ARHGAP17: variants seen among roughly 807,000 people sequenced by gnomAD.
ARHGAP17 encodes the protein rho GTPase-activating protein 17.
Under a neutral mutation model 99.5 loss-of-function variants are expected in ARHGAP17, and 57 were observed. The observed-to-expected ratio is 0.57, with a 90% CI of 0.46 to 0.71. The LOEUF (loss-of-function observed/expected upper bound fraction) is 0.71, where lower values mean the gene tolerates loss of function less well. Among genes scored for constraint, ARHGAP17 ranks in the 30% least tolerant of loss-of-function variants. The pLI, the probability that ARHGAP17 is intolerant of heterozygous loss-of-function variation, is 0.00. For missense variants in ARHGAP17, 1,000 were observed against 1,122.4 expected (o/e 0.89, Z 1.56); for synonymous variants, 417 against 429.6 (o/e 0.97, Z 0.36).
At chr16:25,005,743 C>T (rs2053487320) in intron 1 of ARHGAP17, among the ~76,000 whole-genome samples, 1 of 152,154 alleles carries the variant, frequency 6.6e-6, no homozygotes, top group Admixed American at 6.5e-5. Flanking sequence ...AATGTAAGAA[C>T]ACATTCATTT....
chr16:25,015,015 A>G (rs946660666), intron 1 of ARHGAP17, among the ~76,000 whole-genome samples, 194 bp downstream of exon 1: 2 of 150,898 alleles, frequency 1.3e-5, no homozygotes, highest in Non-Finnish European at 1.5e-5. Flanking sequence ...GCGCTGAGAG[A>G]CAGGCGGGCC....
rs1435447888 is a variant in ARHGAP17, at chr16:24,935,476, G to A, written c.1888C>T (p.Arg630Cys). The A allele has an allele frequency of 1.3e-5, 20 of 1,596,620 alleles. No individual in the cohort carries two copies. The highest frequency in any genetic ancestry group is 1.7e-4 in the Middle Eastern group (1 of 5,992). ...NAAGPSPHTL[R>C]RAVKKPAPAP... ...GAGGACGGTGGCTGCTTACCTCGGC[G>A]CAGTGTATGCGGGCTGGGCCCTGCA... Residue 630 changes from arginine to cysteine, a missense_variant, in exon 18 of 20, where the codon CGC becomes TGC. Arg to Cys is a radical substitution (Grantham distance 180). Coordinates refer to ENST00000289968, the MANE Select transcript of ARHGAP17 (RefSeq NM_001006634.3).
At chr16:24,999,839 A>C (rs2053309818) in intron 1 of ARHGAP17, among the ~76,000 whole-genome samples, 1 of 152,202 alleles carries the variant, frequency 6.6e-6, no homozygotes, top group Non-Finnish European at 1.5e-5. Flanking sequence ...GAAAGCTTTA[A>C]CCCATTTGGA....
chr16:24,960,063 A>G, intron 7 of ARHGAP17, 84 bp from the exon 8 acceptor site: 1 of 1,303,808 alleles, frequency 7.7e-7, no homozygotes, highest in Non-Finnish European at 1.1e-6. Flanking sequence ...GTGAGCTCTT[A>G]GATGAAAAAG....
intron 9 of ARHGAP17, 74 bp from the exon 10 acceptor site, chr16:24,954,804 C>G (rs2051757966): frequency 6.3e-7 from 1 of 1,577,452 alleles, no homozygotes; most frequent in Non-Finnish European, 8.6e-7. Flanking sequence ...CCCCAACTAC[C>G]CAATGGGCTT....
intron 19 of ARHGAP17, 48 bp downstream of exon 19, chr16:24,930,736 A>C: frequency 6.2e-7 from 1 of 1,614,194 alleles, no homozygotes; most frequent in South Asian, 1.1e-5. Flanking sequence ...GTAGTACAAA[A>C]GCAATGTAGA....
intron 19 of ARHGAP17, among the ~76,000 whole-genome samples, chr16:24,921,928 G>T (rs1198967370): frequency 6.6e-6 from 1 of 152,220 alleles, no homozygotes; most frequent in African/African-American, 2.4e-5. Flanking sequence ...AGTCAACGAA[G>T]GCAGGGACTG....
At chr16:24,990,984 G>A (rs554976167) in intron 1 of ARHGAP17, among the ~76,000 whole-genome samples, 2 of 152,264 alleles carry the variant, frequency 1.3e-5, no homozygotes, top group African/African-American at 2.4e-5. Context: ...AGGAGCTGAT[G>A]TGCATGATTC....
chr16:24,974,638 A>G (rs1203160349), intron 3 of ARHGAP17, among the ~76,000 whole-genome samples: 3 of 152,056 alleles, frequency 2.0e-5, no homozygotes, highest in Admixed American at 6.6e-5. Context: ...GTTTCAGGAA[A>G]TTGACTCTGG....
chr16:24,972,790 A>C (rs1432729706), intron 3 of ARHGAP17, among the ~76,000 whole-genome samples: 1 of 152,050 alleles, frequency 6.6e-6, no homozygotes, highest in Non-Finnish European at 1.5e-5. Flanking sequence ...CCTGACCCCA[A>C]AGCCACAACA....
rs796572565 is a variant in ARHGAP17, at chr16:25,006,286, A to T, written c.53+8923T>A. On this transcript the variant is annotated intron_variant, in intron 1 of 19. Coordinates refer to ENST00000289968, the MANE Select transcript of ARHGAP17 (RefSeq NM_001006634.3). ...TGAAACTCTGTCTCTACTAAAAATTAAAAAAAAAAAAAAATTAGCCGGACA... is the reference window on the plus strand; with the variant it reads ...TGAAACTCTGTCTCTACTAAAAATTTAAAAAAAAAAAAAATTAGCCGGACA... Among the ~76,000 whole-genome samples, 1,091 of 139,066 alleles carry T rather than the reference A, an allele frequency of 7.8e-3. 18 individuals are homozygous for T. The highest frequency in any genetic ancestry group is 0.028 in the African/African-American group (1,017 of 36,652). The allele number at this position is 139,066 out of a possible 152,430, so 91.2% of individuals were successfully genotyped here.
intron 1 of ARHGAP17, among the ~76,000 whole-genome samples, chr16:24,992,054 G>C (rs1048098117): frequency 6.6e-6 from 1 of 152,190 alleles, no homozygotes; most frequent in Non-Finnish European, 1.5e-5. Flanking sequence ...GGGAGAAAAG[G>C]TTTGGGGAGG....
intron 14 of ARHGAP17, among the ~76,000 whole-genome samples, chr16:24,944,619 T>C (rs1442515445): frequency 1.3e-5 from 2 of 152,116 alleles, no homozygotes; most frequent in Admixed American, 1.3e-4. Context: ...TTTTATTTTT[T>C]TATTTTTTAT....
intron 4 of ARHGAP17, among the ~76,000 whole-genome samples, chr16:24,970,295 A>T (rs1016325269): frequency 6.6e-6 from 1 of 152,018 alleles, no homozygotes; most frequent in African/African-American, 2.4e-5. Context: ...CTGCCATCCA[A>T]CTCCAGCCTG....
chr16:24,983,691 T>C (rs973543304), intron 1 of ARHGAP17, among the ~76,000 whole-genome samples: 2 of 152,196 alleles, frequency 1.3e-5, no homozygotes, highest in Non-Finnish European at 2.9e-5. Context: ...GTGTCCAACG[T>C]TCTGGGCTTG....
intron 1 of ARHGAP17, among the ~76,000 whole-genome samples, chr16:24,984,811 CA>C (rs1254235323): frequency 4.0e-5 from 6 of 151,644 alleles, no homozygotes; most frequent in African/African-American, 1.2e-4. Context: ...CAGTAAAATC[CA>C]TAATGACTAA....
rs376036575 is a variant in ARHGAP17 at position 24,931,008 on chromosome 16, G to A, written c.2291C>T (p.Pro764Leu). ...PPQTPTPPST[P>L]PLGKQNPSLP... is the part of the protein sequence containing the mutation. ...ACTGGGGTTCTGTTTTCCTAGGGGC[G>A]GAGTACTGGGGGGCGTTGGAGTCTG... The change falls in exon 19 of 20, where the codon CCG becomes CTG. Residue 764 changes from proline to leucine, a missense_variant. Pro to Leu is a moderately conservative substitution (Grantham distance 98, BLOSUM62 -3). Coordinates refer to ENST00000289968, the MANE Select transcript of ARHGAP17 (RefSeq NM_001006634.3). 1.3e-5 allele frequency: 21 copies of A among 1,613,360 alleles called. No individual in the cohort carries two copies. Among genetic ancestry groups the A allele is most frequent in the Middle Eastern group, 3.3e-4 (2 of 6,082 alleles).
chr16:24,969,857 G>A (rs755038638), intron 4 of ARHGAP17, among the ~76,000 whole-genome samples: 7 of 152,134 alleles, frequency 4.6e-5, no homozygotes, highest in Admixed American at 1.3e-4. Flanking sequence ...AACTGTAGAC[G>A]CTGAGAAATG....
intron 6 of ARHGAP17, among the ~76,000 whole-genome samples, chr16:24,965,966 G>A (rs561512011): frequency 2.8e-4 from 42 of 152,268 alleles, no homozygotes; most frequent in African/African-American, 9.9e-4. Flanking sequence ...AACACCTATT[G>A]TGATTAAGTG....
Sources: allele counts gnomAD v4.1 joint callset (sites outside exome capture counted in the v4.1 genomes callset), GRCh38; gene constraint gnomAD v4.1.1; transcripts MANE v1.5; gene names NCBI Gene and HGNC (gene_info 2026-07-23, HGNC 2026-07-21).